PRICKLE2: variants seen among roughly 807,000 people sequenced by gnomAD.
PRICKLE2 encodes prickle planar cell polarity protein 2.
PRICKLE2 carries 21 observed loss-of-function variants against 81.4 expected under a neutral mutation model. That is an observed-to-expected ratio of 0.26 (90% CI 0.18 to 0.37). The LOEUF (loss-of-function observed/expected upper bound fraction) is 0.37. PRICKLE2 is among the 10% of genes least tolerant of loss of function. The pLI is 1.00. For missense variants in PRICKLE2, 940 were observed against 1,109.0 expected (o/e 0.85, Z 2.16); for synonymous variants, 456 against 421.5 (o/e 1.08, Z -1.00).
chr3:64,202,516 T>C (rs1039066589), intron 1 of PRICKLE2, among the ~76,000 whole-genome samples: 1 of 152,168 alleles, frequency 6.6e-6, no homozygotes, highest in Admixed American at 6.5e-5. Flanking sequence ...GCTACTGTAA[T>C]TAGAATTGTT....
At chr3:64,189,181 A>T (rs555263881) in intron 2 of PRICKLE2, among the ~76,000 whole-genome samples, 2 of 152,354 alleles carry the variant, frequency 1.3e-5, no homozygotes, top group Non-Finnish European at 2.9e-5. Context: ...GAGGAAGTAC[A>T]GTAAAGCCAG....
At chr3:64,200,251 C>T (rs953055652) in intron 1 of PRICKLE2, 9 of 152,166 alleles carry the variant, frequency 5.9e-5, no homozygotes, top group Admixed American at 1.3e-4. Flanking sequence ...TGGCTTCTTT[C>T]ACACAGAATG....
At chr3:64,199,195 G>A in intron 1 of PRICKLE2, 1 of 601,662 alleles carries the variant, frequency 1.7e-6, no homozygotes, top group Non-Finnish European at 2.9e-6. Flanking sequence ...AGGTAAGCAT[G>A]CTAAGGGTGT....
chr3:64,143,065 G>A (rs1166651925), intron 7 of PRICKLE2, among the ~76,000 whole-genome samples: 2 of 152,054 alleles, frequency 1.3e-5, no homozygotes, highest in Non-Finnish European at 2.9e-5. Flanking sequence ...GACTAATGAT[G>A]GCTTAATATC....
intron 7 of PRICKLE2, among the ~76,000 whole-genome samples, chr3:64,132,910 A>G (rs1016906400): frequency 1.4e-4 from 22 of 152,190 alleles, no homozygotes; most frequent in African/African-American, 2.2e-4. Context: ...AGACTAAATG[A>G]TATTTACAAC....
In PRICKLE2 at chr3:64,099,736, A is replaced by G. The variant is rs2076624835; in HGVS notation, c.1850T>C (p.Met617Thr). The G allele has an allele frequency of 5.6e-6, 9 of 1,614,052 alleles. No individual in the cohort carries two copies. The highest frequency in any genetic ancestry group is 1.1e-5 in the South Asian group (1 of 91,078). ...GCTGAGCTGGTGGAGGTTTCCCTCCATCTCCTGGTACTGCTGGGCAGAGAG... is the reference window on the plus strand; with the variant it reads ...GCTGAGCTGGTGGAGGTTTCCCTCCGTCTCCTGGTACTGCTGGGCAGAGAG... ...SLLSAQQYQE[M>T]EGNLHQLSNP... Residue 617 changes from methionine (M) to threonine (T), a missense_variant, in exon 8 of 8, where the codon ATG (methionine) becomes ACG (threonine). Around this residue, in one of 2 missense-constraint regions of PRICKLE2, gnomAD observed 670 missense variants for 717.2 expected, o/e 0.93. Transcript: ENST00000638394. The surrounding 1 kb of genome is among the most constrained non-coding windows in gnomAD (Gnocchi z 4.3).
intron 7 of PRICKLE2, among the ~76,000 whole-genome samples, chr3:64,139,058 C>A (rs1005588350): frequency 6.6e-6 from 1 of 152,210 alleles, no homozygotes; most frequent in Non-Finnish European, 1.5e-5. Flanking sequence ...CCAGTTGTTG[C>A]TTTATATCCT....
chr3:64,202,501 T>C (rs890537306), intron 1 of PRICKLE2, among the ~76,000 whole-genome samples: 3 of 152,204 alleles, frequency 2.0e-5, no homozygotes, highest in African/African-American at 4.8e-5. Context: ...TTTATTCTTT[T>C]TGATGCTACT....
intron 7 of PRICKLE2, among the ~76,000 whole-genome samples, chr3:64,108,089 C>T (rs1299521304): frequency 6.6e-6 from 1 of 152,208 alleles, no homozygotes; most frequent in Non-Finnish European, 1.5e-5. Flanking sequence ...AACACAACTA[C>T]ACCTATTCAT....
intron 2 of PRICKLE2, among the ~76,000 whole-genome samples, chr3:64,175,910 C>T (rs17664984): frequency 0.23 from 34,920 of 151,814 alleles, 4,278 homozygotes; most frequent in African/African-American, 0.27. Flanking sequence ...AATCATGACC[C>T]GAGAATAGTG....
At chr3:64,180,618 C>T (rs898886715) in intron 2 of PRICKLE2, among the ~76,000 whole-genome samples, 1 of 152,034 alleles carries the variant, frequency 6.6e-6, no homozygotes, top group Non-Finnish European at 1.5e-5. Flanking sequence ...CTGCAACCTC[C>T]ACCTCCTGGG....
Position 64,203,941 on chromosome 3 carries a change from A to G in PRICKLE2, c.-40-4974T>C, listed in dbSNP as rs148716410. 3.9e-3 allele frequency among the ~76,000 whole-genome samples: 599 copies of G among 152,130 alleles called. 2 individuals are homozygous for G. Among genetic ancestry groups the G allele is most frequent in the South Asian group, 0.034 (164 of 4,816 alleles). On this transcript the variant is annotated intron_variant, in intron 1 of 7. Transcript: ENST00000638394. ...TGCAGTGAGCCCAGATCGCATCACT[A>G]CACTCCAGCCTGGGTGACAGAGCGA...
At chr3:64,217,210 C>T (rs925926014) in intron 1 of PRICKLE2, among the ~76,000 whole-genome samples, 6 of 152,106 alleles carry the variant, frequency 3.9e-5, no homozygotes, top group African/African-American at 1.4e-4. Context: ...AAAGACCCTA[C>T]ATCACTGGTA....
At chr3:64,240,562 T>A (rs939840205) in intron 2 of PRICKLE2, among the ~76,000 whole-genome samples, 3 of 152,096 alleles carry the variant, frequency 2.0e-5, no homozygotes, top group African/African-American at 7.2e-5. Flanking sequence ...AGTGAATCGG[T>A]CCCATGGGGC....
At chr3:64,107,582 C>T (rs1488753743) in intron 7 of PRICKLE2, among the ~76,000 whole-genome samples, 1 of 152,138 alleles carries the variant, frequency 6.6e-6, no homozygotes, top group African/African-American at 2.4e-5. Flanking sequence ...TGGCTCACTC[C>T]TATAAGCCCA....
At chr3:64,247,825 C>A (rs1054674446) in intron 2 of PRICKLE2, among the ~76,000 whole-genome samples, 1 of 152,084 alleles carries the variant, frequency 6.6e-6, no homozygotes, top group African/African-American at 2.4e-5. Flanking sequence ...GGAGTTATAG[C>A]ATGGAATTTC....
At chr3:64,239,556 ACT>A (rs2079231327) in intron 2 of PRICKLE2, among the ~76,000 whole-genome samples, 1 of 151,944 alleles carries the variant, frequency 6.6e-6, no homozygotes, top group Non-Finnish European at 1.5e-5. Flanking sequence ...ATCCTTTGGG[ACT>A]CTCTAAGATA....
intron 7 of PRICKLE2, among the ~76,000 whole-genome samples, chr3:64,135,231 C>T (rs533636157): frequency 2.0e-5 from 3 of 152,258 alleles, no homozygotes; most frequent in Non-Finnish European, 2.9e-5. Flanking sequence ...ATAACAGAAA[C>T]GCACAGAGGT....
chr3:64,244,226 T>C (rs1441536555), intron 2 of PRICKLE2, among the ~76,000 whole-genome samples: 1 of 152,220 alleles, frequency 6.6e-6, no homozygotes, highest in Non-Finnish European at 1.5e-5. Flanking sequence ...TGTTTAATTT[T>C]ACTCAGTGAA....
Sources: allele counts gnomAD v4.1 joint callset (sites outside exome capture counted in the v4.1 genomes callset), GRCh38; gene constraint gnomAD v4.1.1; regional missense constraint gnomAD v4.1.1; non-coding constraint Gnocchi (gnomAD v3.1); transcripts MANE v1.5; gene names NCBI Gene and HGNC (gene_info 2026-07-23, HGNC 2026-07-21).